GOLGA6L22: variants seen among roughly 807,000 people sequenced by gnomAD.
GOLGA6L22 encodes the protein golgin subfamily A member 6-like protein 22.
Under a neutral mutation model 77.1 loss-of-function variants are expected in GOLGA6L22, and 28 were observed. The observed-to-expected ratio is 0.36, with a 90% CI of 0.27 to 0.50. The LOEUF (loss-of-function observed/expected upper bound fraction) is 0.50, where lower values mean the gene tolerates loss of function less well. Ranked by LOEUF, GOLGA6L22 falls within the 20% of genes least tolerant of loss-of-function variation. GOLGA6L22 has a pLI of 0.97. For synonymous variants in GOLGA6L22, 62 were observed against 185.3 expected (o/e 0.33, Z 5.41); for missense variants, 250 against 620.4 (o/e 0.40, Z 6.34).
intron 5 of GOLGA6L22, among the ~76,000 whole-genome samples, chr15:22,463,347 G>A (rs1241221574): frequency 6.9e-6 from 1 of 145,212 alleles, no homozygotes; most frequent in Admixed American, 6.9e-5. Flanking sequence ...CACATCCACT[G>A]AGTTCTTTGA....
chr15:22,466,875 C>T lies in GOLGA6L22; in HGVS notation c.*50C>T, dbSNP rs1289406808. ...AGGCTGGGGAAGCTGGGGCAGAAGG[C>T]CGAGCTCTTGGGGGGAGCAGGCGGA... On this transcript the variant is annotated intron_variant, in intron 8 of 8. Coordinates refer to ENST00000622895, the Ensembl canonical transcript of GOLGA6L22. 5.4e-4 allele frequency: 243 copies of T among 450,664 alleles called. 3 individuals are homozygous for T. Among genetic ancestry groups the T allele is most frequent in the South Asian group, 1.9e-3 (82 of 43,664 alleles). 27.9% of individuals were successfully genotyped at this position (450,664 alleles called of 1,614,324 possible). A position where few individuals can be genotyped will look rare whatever the true frequency, so the allele number is the denominator to read the frequency against.
At chr15:22,464,738 C>T (rs995001619) in intron 7 of GOLGA6L22, among the ~76,000 whole-genome samples, 4 of 130,932 alleles carry the variant, frequency 3.1e-5, no homozygotes, top group Non-Finnish European at 6.3e-5. Context: ...AAGCTCCAAC[C>T]CCGGCTTCAC....
chr15:22,464,630 CATTTATTTATTT>C lies in GOLGA6L22; in HGVS notation c.633+284_633+295del, dbSNP rs550262370. On this transcript the variant is annotated intron_variant, in intron 7 of 8. Coordinates refer to ENST00000622895, the Ensembl canonical transcript of GOLGA6L22. The stretch of plus-strand genomic sequence containing the variant: ...ATGAAAACCATTATTTTATAGATTA[CATTTATTTATTT>C]ATTTATTTATTTATTTATTTATTTG... Among the ~76,000 whole-genome samples, 41 of 109,540 alleles carry C rather than the reference CATTTATTTATTT, an allele frequency of 3.7e-4. 2 individuals carry two copies. The highest frequency in any genetic ancestry group is 5.8e-4 in the Non-Finnish European group (33 of 57,034). 71.9% of individuals were successfully genotyped at this position (109,540 alleles called of 152,430 possible).
chr15:22,463,713 G>C lies in GOLGA6L22; in HGVS notation c.433-128G>C, dbSNP rs1887593818. ...GAGACCATGGGCTTGGAAATGCCTT[G>C]AGAACACGTCAGGTGTGATTGAGAG... On this transcript the variant is annotated intron_variant, in intron 5 of 8. Coordinates refer to ENST00000622895, the Ensembl canonical transcript of GOLGA6L22. 33 of 517,356 alleles carry C rather than the reference G, an allele frequency of 6.4e-5. 1 individual carries two copies. In the South Asian group the frequency reaches 7.2e-4, roughly 11 times the overall value. The allele number at this position is 517,356 out of a possible 1,614,324, so 32.0% of individuals were successfully genotyped here.
chr15:22,463,560 A>T (rs1302945606), intron 5 of GOLGA6L22, among the ~76,000 whole-genome samples: 2 of 130,794 alleles, frequency 1.5e-5, no homozygotes, highest in East Asian at 4.1e-4. Flanking sequence ...CTGAGGCAGG[A>T]GAATTGCTTG....
exon 8 of GOLGA6L22, chr15:22,466,169 G>A (rs1181720310): frequency 1.2e-6 from 1 of 808,252 alleles, no homozygotes; most frequent in South Asian, 1.6e-5. Context: ...GATGATGCAG[G>A]AACAGGAAGA....
rs1377917573 is a variant in GOLGA6L22, at chr15:22,465,779, C to T, written c.1387C>T (p.Arg463Trp). 1.0e-5 allele frequency: 14 copies of T among 1,357,690 alleles called. 3 individuals carry two copies. Among genetic ancestry groups the T allele is most frequent in the Admixed American group, 5.1e-5 (2 of 38,996 alleles). 84.1% of individuals were successfully genotyped at this position (1,357,690 alleles called of 1,614,324 possible). A position where few individuals can be genotyped will look rare whatever the true frequency, so the allele number is the denominator to read the frequency against. Residue 463 changes from arginine (R) to tryptophan (W), a missense_variant, in exon 8 of 9, where the codon CGG (arginine) becomes TGG (tryptophan). By Grantham distance (101) the Arg-to-Trp change is moderately radical. Coordinates refer to ENST00000622895, the Ensembl canonical transcript of GOLGA6L22. The stretch of plus-strand genomic sequence containing the variant: ...GGTGTGGAGGCAGGAGGAGAAGATA[C>T]GGGAGCAGGAGAAGAAACGGGAGCA...
rs1485838885 is a variant in GOLGA6L22 at position 22,465,437 on chromosome 15, G to T, written c.1045G>T (p.Glu349Ter). The change falls in exon 8 of 9, where the codon GAG (glutamate) becomes TAG (stop). Residue 349 changes from glutamate to a stop codon, truncating the protein, a stop_gained. Coordinates refer to ENST00000622895, the Ensembl canonical transcript of GOLGA6L22. LOFTEE classifies it high-confidence loss of function. ...GATACGCGAGCAGGAGAAGAGGCAGGAGCAGGAGGCGAAGATGTGGAGGCA... is the reference window on the plus strand; with the variant it reads ...GATACGCGAGCAGGAGAAGAGGCAGTAGCAGGAGGCGAAGATGTGGAGGCA... 2.6e-6 allele frequency: 1 copy of T among 387,640 alleles called. No homozygotes were observed. Among genetic ancestry groups the T allele is most frequent in the Middle Eastern group, 6.9e-4 (1 of 1,458 alleles). The allele number at this position is 387,640 out of a possible 1,614,324, so 24.0% of individuals were successfully genotyped here. A position where few individuals can be genotyped will look rare whatever the true frequency, so the allele number is the denominator to read the frequency against.
In GOLGA6L22 at chr15:22,465,409, GA is replaced by G; in HGVS notation, c.1019del (p.Lys340ArgfsTer68). 2.5e-6 allele frequency: 1 copy of G among 405,280 alleles called. No homozygotes were observed. The highest frequency in any genetic ancestry group is 2.5e-5 in the South Asian group (1 of 39,666). 25.1% of individuals were successfully genotyped at this position (405,280 alleles called of 1,614,324 possible). A position where few individuals can be genotyped will look rare whatever the true frequency, so the allele number is the denominator to read the frequency against. The stretch of plus-strand genomic sequence containing the variant: ...AGGAAGAGAAGAGGCAGGAGGAGGA[GA>G]AGATACGCGAGCAGGAGAAGAGGCA... On this transcript the variant is annotated frameshift_variant, in exon 8 of 9. Transcript: ENST00000622895. LOFTEE classifies it high-confidence loss of function.
exon 8 of GOLGA6L22, chr15:22,465,845 C>A (rs573684723): frequency 7.0e-7 from 1 of 1,426,864 alleles, no homozygotes; most frequent in Admixed American, 2.2e-5. Flanking sequence ...GATACGGGAG[C>A]AGGAGGAGAA....
At chr15:22,465,387 A>G in exon 8 of GOLGA6L22, 1 of 402,022 alleles carries the variant, frequency 2.5e-6, no homozygotes, top group Non-Finnish European at 4.1e-6. Flanking sequence ...CGGGAGCAGG[A>G]AGAGAAGAGG....
intron 6 of GOLGA6L22, 64 bp from the exon 7 acceptor site, chr15:22,464,165 GT>G (rs1887607548): frequency 1.6e-5 from 6 of 380,250 alleles, no homozygotes; most frequent in Non-Finnish European, 2.1e-5. Flanking sequence ...AGGGTAGGGG[GT>G]CAATCACCAA....
chr15:22,463,308 C>A (rs1319210100), intron 5 of GOLGA6L22, among the ~76,000 whole-genome samples: 4 of 148,926 alleles, frequency 2.7e-5, no homozygotes, highest in African/African-American at 1.0e-4. Flanking sequence ...TTAGCCAGCT[C>A]TAAATTCAAT....
At chr15:22,466,579 G>T (rs1887731717) in exon 8 of GOLGA6L22, 3 of 1,248,336 alleles carry the variant, frequency 2.4e-6, no homozygotes, top group Non-Finnish European at 2.2e-6. Context: ...AGGAGGAGAA[G>T]ATGCGGAGGC....
At chr15:22,466,514 A>G (rs1321493783) in exon 8 of GOLGA6L22, 2 of 1,150,958 alleles carry the variant, frequency 1.7e-6, no homozygotes, top group Admixed American at 2.2e-5. Flanking sequence ...GCAGGAGGAG[A>G]TGATGCAGGA....
intron 5 of GOLGA6L22, among the ~76,000 whole-genome samples, chr15:22,463,259 A>C (rs1020356510): frequency 6.7e-6 from 1 of 148,706 alleles, no homozygotes. Context: ...ACTAACAGTA[A>C]TAGCAATAAC....
chr15:22,463,079 C>G (rs1485214039), intron 5 of GOLGA6L22, among the ~76,000 whole-genome samples: 4 of 133,726 alleles, frequency 3.0e-5, no homozygotes, highest in Admixed American at 1.5e-4. Context: ...GTGTTGAAAT[C>G]CCAGCTCCAA....
intron 5 of GOLGA6L22, among the ~76,000 whole-genome samples, 187 bp from the exon 6 acceptor site, chr15:22,463,654 A>G (rs1172599742): frequency 3.0e-5 from 4 of 134,350 alleles, no homozygotes; most frequent in Non-Finnish European, 6.3e-5. Flanking sequence ...TCTGCCAAAA[A>G]AAAAAAGAAA....
intron 2 of GOLGA6L22, among the ~76,000 whole-genome samples, 198 bp from the exon 3 acceptor site, chr15:22,461,836 C>A (rs1235555688): frequency 8.2e-6 from 1 of 121,366 alleles, no homozygotes; most frequent in Admixed American, 7.8e-5. Flanking sequence ...GATGTAGAGG[C>A]CCCAGGCTCA....
Sources: gnomAD v4.1 joint callset for allele counts (sites outside exome capture counted in the v4.1 genomes callset) on GRCh38, gnomAD v4.1.1 for gene constraint, MANE v1.5 for transcripts, NCBI Gene and HGNC (gene_info 2026-07-23, HGNC 2026-07-21) for gene names.